Variants in COL15A1 observed in about 807,000 individuals in gnomAD.
The protein encoded by COL15A1 is collagen alpha-1(XV) chain.
A neutral mutation model predicts 165.9 loss-of-function variants in COL15A1; 111 were observed. That is an observed-to-expected ratio of 0.67 (90% CI 0.57 to 0.78). The LOEUF is 0.78. Among genes scored for constraint, COL15A1 ranks in the 30% least tolerant of loss-of-function variants. The pLI is 0.00. For missense variants in COL15A1, 1,745 were observed against 1,789.7 expected (o/e 0.98, Z 0.45); for synonymous variants, 659 against 674.8 (o/e 0.98, Z 0.36).
intron 35 of COL15A1, among the ~76,000 whole-genome samples, chr9:99,059,227 A>G (rs975544570): frequency 4.6e-5 from 7 of 152,224 alleles, no homozygotes; most frequent in Non-Finnish European, 8.8e-5. Context: ...TTCAAAAGCT[A>G]AGAGCTCCTG....
At chr9:99,024,705 C>T (rs759276483) in intron 14 of COL15A1, among the ~76,000 whole-genome samples, 169 bp from the exon 15 acceptor site, 8 of 152,182 alleles carry the variant, frequency 5.3e-5, no homozygotes, top group Non-Finnish European at 1.0e-4. Context: ...GTCTGAGAGC[C>T]CTTGAGTCGC....
rs1182667076 is a variant in COL15A1, at chr9:99,016,029, C to T, written c.1557C>T (p.Ile519=). The T allele has an allele frequency of 1.2e-6, 2 of 1,613,994 alleles. No homozygotes were observed. The highest frequency in any genetic ancestry group is 1.7e-5 in the Admixed American group (1 of 60,004). The change falls in exon 11 of 42, where the codon ATC becomes ATT. Residue 519 remains isoleucine, a synonymous_variant. Transcript: ENST00000375001. ...LAAATTEEPL[I]TAGGEESGSP... ...CAGCCACAACAGAGGAGCCCCTCAT[C>T]ACAGCTGGGGGTGAAGAGTCCGGCA...
At chr9:99,034,016 C>T (rs1251617098) in intron 16 of COL15A1, among the ~76,000 whole-genome samples, 1 of 152,174 alleles carries the variant, frequency 6.6e-6, no homozygotes, top group Admixed American at 6.5e-5. Context: ...TGTGGACATG[C>T]AACCTGCCCT....
intron 28 of COL15A1, 124 bp from the exon 29 acceptor site, chr9:99,049,566 C>A (rs1839549182): frequency 1.6e-6 from 2 of 1,218,386 alleles, no homozygotes; most frequent in Non-Finnish European, 1.2e-6. Flanking sequence ...CCTGAGCAAC[C>A]TGAGAGAGAA....
intron 24 of COL15A1, among the ~76,000 whole-genome samples, chr9:99,043,764 T>C (rs146620423): frequency 6.6e-6 from 1 of 152,300 alleles, no homozygotes; most frequent in East Asian, 1.9e-4. Flanking sequence ...GGGGCCAGCA[T>C]TGAAGTTTAG....
At chr9:98,991,141 A>G (rs1468582271) in intron 5 of COL15A1, among the ~76,000 whole-genome samples, 1 of 152,200 alleles carries the variant, frequency 6.6e-6, no homozygotes, top group Non-Finnish European at 1.5e-5. Context: ...GCGGACCCAA[A>G]GACACTAACA....
intron 6 of COL15A1, chr9:98,997,941 C>G (rs1838577205): frequency 6.6e-6 from 1 of 152,226 alleles, no homozygotes; most frequent in African/African-American, 2.4e-5. Context: ...AAACTGCCCA[C>G]AGTAGGGATT....
Position 99,062,274 on chromosome 9 carries a change from C to A in COL15A1, c.3561C>A (p.Asp1187Glu). Residue 1187 changes from aspartate (D) to glutamate (E), a missense_variant, in exon 38 of 42, where the codon GAC (aspartate) becomes GAA (glutamate). Coordinates refer to ENST00000375001, the MANE Select transcript of COL15A1 (RefSeq NM_001855.5). Reference protein sequence around the residue: ...QLGELIPIPADSPPPPALSSN... With the variant: ...QLGELIPIPAESPPPPALSSN... Reference sequence around the variant, plus strand: ...GAGAACTGATCCCCATTCCTGCCGACAGCCCTCCACCCCCTGCGCTTTCCA... The same window carrying A: ...GAGAACTGATCCCCATTCCTGCCGAAAGCCCTCCACCCCCTGCGCTTTCCA... The A allele has an allele frequency of 1.9e-6, 3 of 1,613,718 alleles. No individual in the cohort carries two copies. The highest frequency in any genetic ancestry group is 2.5e-6 in the Non-Finnish European group (3 of 1,179,600).
At chr9:99,001,219 A>G (rs1003769115) in intron 7 of COL15A1, among the ~76,000 whole-genome samples, 1 of 152,070 alleles carries the variant, frequency 6.6e-6, no homozygotes, top group African/African-American at 2.4e-5. Context: ...GGCCTCACCA[A>G]TGCAACCCCG....
At chr9:98,973,279 G>T (rs113517251) in intron 2 of COL15A1, among the ~76,000 whole-genome samples, 2 of 152,206 alleles carry the variant, frequency 1.3e-5, no homozygotes, top group South Asian at 2.1e-4. Flanking sequence ...AGAGGGAGGA[G>T]AGCTTATACA....
intron 9 of COL15A1, among the ~76,000 whole-genome samples, chr9:99,009,834 G>A (rs548070571): frequency 3.0e-4 from 45 of 152,270 alleles, no homozygotes; most frequent in African/African-American, 1.0e-3. Flanking sequence ...TTGACCATAA[G>A]ATATAATTTC....
chr9:98,972,299 G>A (rs750080377), intron 2 of COL15A1, among the ~76,000 whole-genome samples: 1 of 152,034 alleles, frequency 6.6e-6, no homozygotes, highest in African/African-American at 2.4e-5. Context: ...TCAGATTGAC[G>A]CAGGCAAGAC....
intron 7 of COL15A1, among the ~76,000 whole-genome samples, chr9:99,001,982 CA>C (rs1259718375): frequency 1.3e-5 from 2 of 152,152 alleles, no homozygotes; most frequent in African/African-American, 4.8e-5. Context: ...TCTTTGAGTA[CA>C]GCCCATTTCA....
chr9:98,961,743 T>A (rs1381074810), intron 2 of COL15A1, among the ~76,000 whole-genome samples: 1 of 152,098 alleles, frequency 6.6e-6, no homozygotes, highest in African/African-American at 2.4e-5. Flanking sequence ...CTAGGTAGAG[T>A]GCAGTCAAGC....
intron 16 of COL15A1, among the ~76,000 whole-genome samples, chr9:99,032,361 T>C (rs1268716136): frequency 2.6e-5 from 4 of 152,088 alleles, no homozygotes; most frequent in Admixed American, 1.3e-4. Context: ...AGCTAACTTA[T>C]GTATTTTTAG....
At chr9:99,023,325 A>G (rs762236668) in intron 13 of COL15A1, 32 bp from the exon 14 acceptor site, 5 of 1,575,118 alleles carry the variant, frequency 3.2e-6, no homozygotes, top group Non-Finnish European at 4.3e-6. Flanking sequence ...TGGCAGTTAA[A>G]TGCAAGTAGT....
At position 99,049,867 on chromosome 9, in the gene COL15A1, T is replaced by C. The variant is rs1037492928; in HGVS notation, c.2876T>C (p.Ile959Thr). The C allele has an allele frequency of 1.1e-5, 18 of 1,614,242 alleles. No homozygotes were observed. The highest frequency in any genetic ancestry group is 1.4e-5 in the Non-Finnish European group (17 of 1,180,032). ...VINIKGAIFP[I>T]PVRPHCKMPV... ...CATTACCCACAGGCCATTTTCCCAA[T>C]ACCCGTCCGACCACACTGCAAAATG... The change falls in exon 30 of 42, where the codon ATA (isoleucine) becomes ACA (threonine). Residue 959 changes from isoleucine (I) to threonine (T), a missense_variant. Physicochemically the swap from Ile to Thr is moderately conservative, Grantham distance 89. Transcript: ENST00000375001.
chr9:98,977,818 C>A (rs773851204), intron 2 of COL15A1, among the ~76,000 whole-genome samples: 6 of 152,224 alleles, frequency 3.9e-5, no homozygotes, highest in Non-Finnish European at 8.8e-5. Flanking sequence ...CTCATTGAAT[C>A]CCCACATGGG....
intron 2 of COL15A1, among the ~76,000 whole-genome samples, chr9:98,953,960 C>T (rs1006691836): frequency 2.6e-5 from 4 of 152,232 alleles, no homozygotes; most frequent in African/African-American, 9.6e-5. Context: ...TCCTGGCTTC[C>T]TGCTGTCCCA....
Sources: gnomAD v4.1 joint callset for allele counts (sites outside exome capture counted in the v4.1 genomes callset) on GRCh38, gnomAD v4.1.1 for gene constraint, MANE v1.5 for transcripts, NCBI Gene and HGNC (gene_info 2026-07-23, HGNC 2026-07-21) for gene names.